KCNK10: variants seen among roughly 807,000 people sequenced by gnomAD.
KCNK10 encodes the protein potassium two pore domain channel subfamily K member 10, also known as potassium channel subfamily K member 10.
Under a neutral mutation model 47.7 loss-of-function variants are expected in KCNK10, and 25 were observed. The ratio of observed to expected loss-of-function variants is 0.52; its 90% CI spans 0.38 to 0.73. KCNK10 has a LOEUF of 0.73. Ranked by LOEUF, KCNK10 falls within the 30% of genes least tolerant of loss-of-function variation. The probability of loss-of-function intolerance (pLI) is 0.00; values close to 1 mark genes in which losing one functional copy is unlikely to be tolerated. For missense variants in KCNK10, 563 were observed against 714.5 expected, an observed-to-expected ratio of 0.79 and a Z score of 2.42; for synonymous variants, 303 against 285.6, an observed-to-expected ratio of 1.06 and a Z score of -0.61.
intron 3 of KCNK10, among the ~76,000 whole-genome samples, chr14:88,239,259 G>C (rs1023849737): frequency 6.6e-6 from 1 of 151,694 alleles, no homozygotes; most frequent in Non-Finnish European, 1.5e-5. Context: ...GCACAATAAA[G>C]TGAGATACAA....
intron 2 of KCNK10, among the ~76,000 whole-genome samples, chr14:88,246,138 C>G (rs541843510): frequency 1.3e-5 from 2 of 151,986 alleles, no homozygotes; most frequent in Non-Finnish European, 2.9e-5. Flanking sequence ...TGGCGGGCGC[C>G]TGTAGTCCCA....
At chr14:88,326,492 T>C (rs762084380), upstream of KCNK10, 3 of 1,571,218 alleles carry the variant, frequency 1.9e-6, no homozygotes, top group Non-Finnish European at 2.6e-6. Context: ...TCTGTCTCCC[T>C]CTGTGCCGCC....
intron 4 of KCNK10, among the ~76,000 whole-genome samples, chr14:88,218,223 G>T (rs187387487): frequency 4.6e-4 from 70 of 152,242 alleles, no homozygotes; most frequent in African/African-American, 1.6e-3. Context: ...AGATGCCTTG[G>T]GAGAAACAGA....
chr14:88,186,493 T>G lies in KCNK10; in HGVS notation c.1012-338A>C, dbSNP rs189811954. On this transcript the variant is annotated intron_variant, in intron 6 of 6. Coordinates refer to ENST00000319231, the MANE Select transcript of KCNK10 (RefSeq NM_138317.3). The surrounding 1 kb of genome is among the most constrained non-coding windows in gnomAD (Gnocchi z 5.5). ...ACAGGCCTGGCTTCCAGCTCTCTCT[T>G]ATCAATTGCATGGCCTCATTCCCCC... Among the ~76,000 whole-genome samples the G allele has an allele frequency of 7.6e-4, 116 of 152,252 alleles. No individual in the cohort carries two copies. Among genetic ancestry groups the G allele is most frequent in the African/African-American group, 2.7e-3 (114 of 41,552 alleles).
At chr14:88,243,681 T>C (rs1886543402) in intron 2 of KCNK10, among the ~76,000 whole-genome samples, 1 of 151,632 alleles carries the variant, frequency 6.6e-6, no homozygotes, top group African/African-American at 2.4e-5. Flanking sequence ...AAGAATAAAT[T>C]AATTAAAGTA....
intron 1 of KCNK10, among the ~76,000 whole-genome samples, chr14:88,267,335 A>C (rs1393987767): frequency 1.3e-5 from 2 of 151,750 alleles, no homozygotes; most frequent in Non-Finnish European, 2.9e-5. Context: ...AAGGATCTGG[A>C]TTGTGCTTAA....
At position 88,263,355 on chromosome 14, in the gene KCNK10, A is replaced by G; in HGVS notation, c.249T>C (p.Val83=). 6.2e-7 allele frequency: 1 copy of G among 1,613,768 alleles called. No homozygotes were observed. The highest frequency in any genetic ancestry group is 8.5e-7 in the Non-Finnish European group (1 of 1,180,024). The change falls in exon 2 of 7, where the codon GTT becomes GTC. Residue 83 remains valine, a synonymous_variant. Coordinates refer to ENST00000319231, the MANE Select transcript of KCNK10 (RefSeq NM_138317.3). Reference sequence around the variant, plus strand: ...CGCCAGTGACAAGGTAGACCACCACAACCACAAAGATGGCAACCACCGTCT... The same window carrying G: ...CGCCAGTGACAAGGTAGACCACCACGACCACAAAGATGGCAACCACCGTCT... ...KWKTVVAIFV[V]VVVYLVTGGL...
At chr14:88,190,127 A>T (rs758521333) in intron 5 of KCNK10, among the ~76,000 whole-genome samples, 17 of 152,216 alleles carry the variant, frequency 1.1e-4, no homozygotes, top group Non-Finnish European at 2.5e-4. Context: ...GGTAGATAAC[A>T]AATAATAAAA....
chr14:88,271,666 C>T lies in KCNK10; in HGVS notation c.53-8115G>A, dbSNP rs116505910. Among the ~76,000 whole-genome samples the T allele has an allele frequency of 1.0e-2, 1,516 of 152,212 alleles. 23 individuals are homozygous for T. The highest frequency in any genetic ancestry group is 0.035 in the African/African-American group (1,455 of 41,534). On this transcript the variant is annotated intron_variant, in intron 1 of 6. Transcript: ENST00000319231. ...GCATGAGTCACACTTGGTGAGTCCC[C>T]TCTCTGGTGGAAGACAGGCAGAATT...
At chr14:88,240,669 G>T in intron 3 of KCNK10, 34 bp downstream of exon 3, 1 of 1,357,990 alleles carries the variant, frequency 7.4e-7, no homozygotes, top group Non-Finnish European at 1.1e-6. Context: ...AAGATGACCT[G>T]CAGAGGAAGA....
chr14:88,186,086 G>A lies in KCNK10; in HGVS notation c.1081C>T (p.Arg361Ter). The change falls in exon 7 of 7, where the codon CGA becomes TGA. Residue 361 changes from arginine to a stop codon, truncating the protein, a stop_gained. Coordinates refer to ENST00000319231, the MANE Select transcript of KCNK10 (RefSeq NM_138317.3). LOFTEE classifies it high-confidence loss of function. The surrounding 1 kb of genome is among the most constrained non-coding windows in gnomAD (Gnocchi z 5.5). The part of the protein sequence containing the change: ...NVTAEFRETR[R>*]RLSVEIHDKL... ...TCGTGGATCTCCACGCTGAGCCTTC[G>A]CCGTGTCTCCCGGAACTCAGCCGTG... 3 of 1,611,626 alleles carry A rather than the reference G, an allele frequency of 1.9e-6. No individual in the cohort carries two copies. Among genetic ancestry groups the A allele is most frequent in the South Asian group, 1.1e-5 (1 of 90,918 alleles).
intron 1 of KCNK10, among the ~76,000 whole-genome samples, chr14:88,297,298 T>G (rs560869657): frequency 1.3e-5 from 2 of 152,346 alleles, no homozygotes; most frequent in South Asian, 4.1e-4. Context: ...TAAAATTCAC[T>G]TAAAACAATA....
rs1376053173 is a variant in KCNK10, at chr14:88,182,393, C to T, written c.*3142G>A. 2 of 152,268 alleles carry T rather than the reference C, an allele frequency of 1.3e-5. No individual in the cohort carries two copies. Among genetic ancestry groups the T allele is most frequent in the Admixed American group, 1.3e-4 (2 of 15,276 alleles). 9.4% of individuals were successfully genotyped at this position (152,268 alleles called of 1,614,324 possible). ...TGTATAGAATGTGTAGCAGCTTTGA[C>T]CTATCACGTGTATTCTACATGCCAT... On this transcript the variant is annotated 3_prime_UTR_variant, in exon 7 of 7. Transcript: ENST00000319231.
intron 2 of KCNK10, among the ~76,000 whole-genome samples, chr14:88,256,985 G>C (rs1233984683): frequency 6.6e-6 from 1 of 152,172 alleles, no homozygotes; most frequent in Non-Finnish European, 1.5e-5. Flanking sequence ...AGTGGTATAG[G>C]ATTTAACGTG....
In KCNK10 at chr14:88,187,633, A is replaced by G. The variant is rs55968259; in HGVS notation, c.1011+334T>C. Among the ~76,000 whole-genome samples the G allele has an allele frequency of 7.2e-3, 950 of 132,450 alleles. 8 individuals are homozygous for G. Among genetic ancestry groups the G allele is most frequent in the African/African-American group, 0.026 (903 of 34,296 alleles). 86.9% of individuals were successfully genotyped at this position (132,450 alleles called of 152,430 possible). ...CCGGAAGGACAGGCTGCACCCCCCC[A>G]CACACACACTCAGCCATAGTCTACC... On this transcript the variant is annotated intron_variant, in intron 6 of 6. Transcript: ENST00000319231.
At chr14:88,224,355 T>C (rs192301328) in intron 4 of KCNK10, among the ~76,000 whole-genome samples, 54 of 152,336 alleles carry the variant, frequency 3.5e-4, no homozygotes, top group African/African-American at 1.3e-3. Context: ...AAGCTGGCAA[T>C]TTGATCTCCA....
chr14:88,319,412 C>T (rs1888497517), intron 1 of KCNK10, among the ~76,000 whole-genome samples: 1 of 152,188 alleles, frequency 6.6e-6, no homozygotes, highest in Non-Finnish European at 1.5e-5. Flanking sequence ...TGTGAACTGT[C>T]TCTCCACTTT....
intron 1 of KCNK10, among the ~76,000 whole-genome samples, chr14:88,307,956 G>A (rs572020762): frequency 1.3e-5 from 2 of 152,172 alleles, no homozygotes; most frequent in East Asian, 3.9e-4. Flanking sequence ...CTACTCCCTA[G>A]GGAGCAGGTA....
intron 1 of KCNK10, among the ~76,000 whole-genome samples, chr14:88,303,267 A>G (rs1888139951): frequency 6.6e-6 from 1 of 152,182 alleles, no homozygotes; most frequent in African/African-American, 2.4e-5. Flanking sequence ...TTAACAGTCA[A>G]TGTCCGTATT....
Sources: allele counts gnomAD v4.1 joint callset (sites outside exome capture counted in the v4.1 genomes callset), GRCh38; gene constraint gnomAD v4.1.1; non-coding constraint Gnocchi (gnomAD v3.1); transcripts MANE v1.5; gene names NCBI Gene and HGNC (gene_info 2026-07-23, HGNC 2026-07-21).